Variants in TTC28 observed in about 807,000 individuals in gnomAD.
TTC28 encodes tetratricopeptide repeat domain 28.
A neutral mutation model predicts 198.0 loss-of-function variants in TTC28; 61 were observed. The observed-to-expected ratio is 0.31, with a 90% CI of 0.25 to 0.38. TTC28 has a LOEUF of 0.38. TTC28 is among the 10% of genes least tolerant of loss of function. The pLI is 1.00. For missense variants in TTC28, 2,678 were observed against 3,164.0 expected, an observed-to-expected ratio of 0.85 and a Z score of 3.69; for synonymous variants, 1,171 against 1,297.8, an observed-to-expected ratio of 0.90 and a Z score of 2.10.
At chr22:28,675,790 A>T (rs546466008) in intron 1 of TTC28, among the ~76,000 whole-genome samples, 1 of 151,450 alleles carries the variant, frequency 6.6e-6, no homozygotes, top group African/African-American at 2.4e-5. Flanking sequence ...AAAAAGAGGC[A>T]TGAGCCTCTT....
intron 12 of TTC28, among the ~76,000 whole-genome samples, chr22:28,056,744 A>G (rs1188423540): frequency 6.6e-6 from 1 of 152,184 alleles, no homozygotes; most frequent in African/African-American, 2.4e-5. Flanking sequence ...CTCTATCAAG[A>G]TTTAGAGCAT....
chr22:28,574,380 G>GT (rs2050113027), intron 2 of TTC28, among the ~76,000 whole-genome samples: 1 of 151,448 alleles, frequency 6.6e-6, no homozygotes, highest in Non-Finnish European at 1.5e-5. Flanking sequence ...TGTGTGTTGT[G>GT]TGTGAGTGTG....
At chr22:28,219,465 A>G (rs134172) in intron 5 of TTC28, among the ~76,000 whole-genome samples, 114,867 of 151,340 alleles carry the variant, frequency 0.76, 43,779 homozygotes, top group South Asian at 0.85. Context: ...CCAAGATCGC[A>G]CCATTGCACT....
At chr22:28,204,550 C>T (rs1926236769) in intron 5 of TTC28, among the ~76,000 whole-genome samples, 1 of 152,128 alleles carries the variant, frequency 6.6e-6, no homozygotes, top group South Asian at 2.1e-4. Flanking sequence ...GCTCTTTCCA[C>T]ACCATGTGTC....
At chr22:28,396,049 T>TC (rs1319895807) in intron 2 of TTC28, among the ~76,000 whole-genome samples, 9 of 152,194 alleles carry the variant, frequency 5.9e-5, no homozygotes, top group Admixed American at 5.9e-4. Context: ...CCAATGTTCT[T>TC]CCCATTATTC....
At chr22:28,071,557 G>A (rs1601587164) in intron 12 of TTC28, among the ~76,000 whole-genome samples, 1 of 134,894 alleles carries the variant, frequency 7.4e-6, no homozygotes, top group East Asian at 2.2e-4. Context: ...ACATGAAGGG[G>A]AATATCACAC....
At chr22:28,166,832 C>A (rs1601416131) in intron 5 of TTC28, among the ~76,000 whole-genome samples, 1 of 152,124 alleles carries the variant, frequency 6.6e-6, no homozygotes, top group African/African-American at 2.4e-5. Context: ...CAGAGCAGAA[C>A]TGAAGGAGAT....
intron 4 of TTC28, among the ~76,000 whole-genome samples, chr22:28,297,206 T>A (rs951420404): frequency 3.0e-4 from 46 of 152,094 alleles, no homozygotes; most frequent in African/African-American, 1.1e-3. Flanking sequence ...CGCTTTTTTT[T>A]TCTTTGTTTT....
At chr22:28,025,630 G>A (rs2146616191) in intron 13 of TTC28, among the ~76,000 whole-genome samples, 1 of 152,338 alleles carries the variant, frequency 6.6e-6, no homozygotes, top group African/African-American at 2.4e-5. Context: ...AAGGATCCCA[G>A]CATTTTGGGA....
At chr22:28,638,724 A>G (rs893565546) in intron 1 of TTC28, among the ~76,000 whole-genome samples, 2 of 152,236 alleles carry the variant, frequency 1.3e-5, no homozygotes, top group Non-Finnish European at 2.9e-5. Context: ...TTTAAAAGAA[A>G]ATTAAAACTT....
intron 5 of TTC28, among the ~76,000 whole-genome samples, chr22:28,205,538 G>A (rs988795334): frequency 3.3e-5 from 5 of 152,032 alleles, no homozygotes; most frequent in African/African-American, 1.2e-4. Context: ...AGGACTGAGT[G>A]AAATGAGATT....
chr22:28,343,529 C>A (rs74382256), intron 2 of TTC28, among the ~76,000 whole-genome samples: 265 of 134,616 alleles, frequency 2.0e-3, no homozygotes, highest in South Asian at 2.8e-3. Context: ...GACTCTGTCT[C>A]AAAAAAAAAA....
chr22:28,088,535 C>T (rs374405508), intron 12 of TTC28, among the ~76,000 whole-genome samples: 29 of 152,140 alleles, frequency 1.9e-4, no homozygotes, highest in East Asian at 3.9e-4. Context: ...AAGACTTAAA[C>T]GTTAGACCTA....
At chr22:28,148,057 C>G (rs918799068) in intron 6 of TTC28, among the ~76,000 whole-genome samples, 1 of 152,256 alleles carries the variant, frequency 6.6e-6, no homozygotes, top group Admixed American at 6.5e-5. Context: ...GCACAAAAGA[C>G]TTCATTTTAG....
intron 17 of TTC28, among the ~76,000 whole-genome samples, chr22:27,995,243 C>A (rs988590452): frequency 1.3e-5 from 2 of 152,184 alleles, no homozygotes; most frequent in Non-Finnish European, 2.9e-5. Flanking sequence ...ATGGATGGAG[C>A]TAGGCTGTGC....
chr22:28,488,549 T>C (rs757977014), intron 2 of TTC28, among the ~76,000 whole-genome samples: 2 of 152,218 alleles, frequency 1.3e-5, no homozygotes, highest in Non-Finnish European at 2.9e-5. Flanking sequence ...ATATTGCAAA[T>C]ATATATGACG....
chr22:28,677,175 AAT>A lies in TTC28; in HGVS notation c.102+2445_102+2446del, dbSNP rs143954002. On this transcript the variant is annotated intron_variant, in intron 1 of 22. Coordinates refer to ENST00000397906, the MANE Select transcript of TTC28 (RefSeq NM_001145418.2). ...CATCTCAGGAAAAAAAAAAAAAAAA[AAT>A]ATATATATATATATATATATATATA... Among the ~76,000 whole-genome samples, 624 of 69,290 alleles carry A rather than the reference AAT, an allele frequency of 9.0e-3. 7 individuals are homozygous for A. The highest frequency in any genetic ancestry group is 0.043 in the African/African-American group (575 of 13,452). 45.5% of individuals were successfully genotyped at this position (69,290 alleles called of 152,430 possible).
At chr22:28,091,743 C>T (rs9620768) in intron 12 of TTC28, among the ~76,000 whole-genome samples, 7 of 152,108 alleles carry the variant, frequency 4.6e-5, no homozygotes, top group Non-Finnish European at 1.0e-4. Flanking sequence ...CTAGAGATTA[C>T]GGATCCTGAT....
chr22:28,430,160 G>T (rs1332761985), intron 2 of TTC28, among the ~76,000 whole-genome samples: 1 of 150,988 alleles, frequency 6.6e-6, no homozygotes, highest in African/African-American at 2.4e-5. Flanking sequence ...AGTAATGAAG[G>T]CACACCGCAT....
Sources: gnomAD v4.1 joint callset for allele counts (sites outside exome capture counted in the v4.1 genomes callset) on GRCh38, gnomAD v4.1.1 for gene constraint, MANE v1.5 for transcripts, NCBI Gene and HGNC (gene_info 2026-07-23, HGNC 2026-07-21) for gene names.